The following CBFB variants were observed in gnomAD, a reference collection of about 807,000 sequenced individuals.
The protein encoded by CBFB is core-binding factor subunit beta, also known as CBF-beta.
In CBFB, 9 loss-of-function variants were observed where a neutral mutation model predicts 30.4. The ratio of observed to expected loss-of-function variants is 0.30; its 90% CI spans 0.18 to 0.52. CBFB has a LOEUF of 0.52. Ranked by LOEUF, CBFB falls within the 20% of genes least tolerant of loss-of-function variation. The probability of loss-of-function intolerance (pLI) is 0.97; values close to 1 mark genes in which losing one functional copy is unlikely to be tolerated. For missense variants in CBFB, 170 were observed against 244.0 expected, an observed-to-expected ratio of 0.70 and a Z score of 2.02; for synonymous variants, 94 against 84.0, an observed-to-expected ratio of 1.12 and a Z score of -0.65.
intron 4 of CBFB, among the ~76,000 whole-genome samples, chr16:67,069,470 A>G (rs1961157640): frequency 6.6e-6 from 1 of 152,212 alleles, no homozygotes; most frequent in Non-Finnish European, 1.5e-5. Flanking sequence ...AAGAAAAATT[A>G]ACAGTCTTGG....
At chr16:67,036,882 C>G (rs760557691) in intron 3 of CBFB, 127 bp downstream of exon 3, 256 of 648,392 alleles carry the variant, frequency 3.9e-4, no homozygotes, top group Non-Finnish European at 1.0e-4. Context: ...TGTTTTCATT[C>G]CATGTTATAA....
intron 5 of CBFB, among the ~76,000 whole-genome samples, chr16:67,096,744 G>A (rs1962055990): frequency 6.7e-6 from 1 of 150,042 alleles, no homozygotes; most frequent in South Asian, 2.1e-4. Flanking sequence ...GGAGGCCAGG[G>A]CGGGTGAATC....
At chr16:67,072,696 C>T (rs1390531652) in intron 4 of CBFB, among the ~76,000 whole-genome samples, 2 of 151,632 alleles carry the variant, frequency 1.3e-5, no homozygotes, top group Non-Finnish European at 2.9e-5. Context: ...CAACTCCTGA[C>T]CTCAGGTGAT....
At chr16:67,077,071 CTAG>C (rs1236520404) in intron 4 of CBFB, among the ~76,000 whole-genome samples, 4 of 152,056 alleles carry the variant, frequency 2.6e-5, no homozygotes, top group Non-Finnish European at 5.9e-5. Context: ...CTACTAGTTC[CTAG>C]TAGATTTCTA....
At chr16:67,030,757 G>C (rs1358621234) in intron 2 of CBFB, among the ~76,000 whole-genome samples, 1 of 152,028 alleles carries the variant, frequency 6.6e-6, no homozygotes, top group African/African-American at 2.4e-5. Context: ...CTGCCACCAC[G>C]CCCGGCTAAT....
At chr16:67,077,740 G>A (rs1250739402) in intron 4 of CBFB, among the ~76,000 whole-genome samples, 2 of 152,116 alleles carry the variant, frequency 1.3e-5, no homozygotes, top group East Asian at 3.8e-4. Context: ...AAGTGTTACC[G>A]AACTGTTAAA....
Position 67,099,536 on chromosome 16 carries a change from T to G in CBFB, c.*758T>G, listed in dbSNP as rs1962157697. ...CCCAGAGTACTGGGATTACAGGCTC[T>G]TTCTTTTTAAACATAAAAGTTTTAA... On this transcript the variant is annotated 3_prime_UTR_variant, in exon 6 of 6. Transcript: ENST00000412916. 9.9e-6 allele frequency: 2 copies of G among 201,520 alleles called. No homozygotes were observed. Among genetic ancestry groups the G allele is most frequent in the Non-Finnish European group, 2.0e-5 (2 of 97,836 alleles). 12.5% of individuals were successfully genotyped at this position (201,520 alleles called of 1,614,324 possible). A position where few individuals can be genotyped will look rare whatever the true frequency, so the allele number is the denominator to read the frequency against.
intron 3 of CBFB, among the ~76,000 whole-genome samples, chr16:67,052,978 G>A (rs1960599549): frequency 1.3e-5 from 2 of 148,914 alleles, no homozygotes; most frequent in African/African-American, 2.5e-5. Context: ...GCAGTGAGCC[G>A]TGTTCATACC....
intron 5 of CBFB, among the ~76,000 whole-genome samples, 172 bp from the exon 6 acceptor site, chr16:67,098,538 A>G (rs532105937): frequency 6.6e-6 from 1 of 152,214 alleles, no homozygotes; most frequent in East Asian, 1.9e-4. Context: ...TTAGTAAAAT[A>G]TGTCAGACAT....
intron 3 of CBFB, among the ~76,000 whole-genome samples, chr16:67,037,174 G>A (rs1966455123): frequency 6.6e-6 from 1 of 152,186 alleles, no homozygotes; most frequent in South Asian, 2.1e-4. Flanking sequence ...TGGGATTACA[G>A]GCGTGAGCCA....
chr16:67,089,388 C>T (rs1165460792), intron 5 of CBFB, among the ~76,000 whole-genome samples: 1 of 152,018 alleles, frequency 6.6e-6, no homozygotes, highest in Non-Finnish European at 1.5e-5. Flanking sequence ...ACCTGGGGGA[C>T]AAAATAAGCA....
rs529682307 is a variant in CBFB at position 67,066,308 on chromosome 16, G to T, written c.283-374G>T. On this transcript the variant is annotated intron_variant, in intron 3 of 5. Transcript: ENST00000412916. ...CACGCCTGTAATCCTAGCACTTTTG[G>T]AGGCAAAGGCTGGCAGATTGCCTGA... Among the ~76,000 whole-genome samples the T allele has an allele frequency of 4.0e-5, 6 of 151,122 alleles. No individual in the cohort carries two copies. The South Asian group carries it at 1.3e-3, about 32-fold the overall frequency.
chr16:67,058,882 G>T (rs2145741218), intron 3 of CBFB, among the ~76,000 whole-genome samples: 1 of 152,332 alleles, frequency 6.6e-6, no homozygotes, highest in African/African-American at 2.4e-5. Flanking sequence ...TTTTGATAGT[G>T]AAGTTTCAGC....
chr16:67,031,155 T>G (rs577172929), intron 2 of CBFB, among the ~76,000 whole-genome samples: 1 of 152,354 alleles, frequency 6.6e-6, no homozygotes, highest in South Asian at 2.1e-4. Flanking sequence ...ATTTTGATAT[T>G]TTAAGTGAAA....
chr16:67,035,684 A>G (rs576527641), intron 2 of CBFB, among the ~76,000 whole-genome samples: 1 of 152,160 alleles, frequency 6.6e-6, no homozygotes, highest in South Asian at 2.1e-4. Flanking sequence ...TGAGATGAAG[A>G]CTCTATGCAT....
At chr16:67,080,424 ATTG>A in intron 4 of CBFB, among the ~76,000 whole-genome samples, 1 of 152,160 alleles carries the variant, frequency 6.6e-6, no homozygotes, top group South Asian at 2.1e-4. Flanking sequence ...TGGTTGATTG[ATTG>A]TGGAGACAAT....
intron 5 of CBFB, among the ~76,000 whole-genome samples, chr16:67,084,461 T>C (rs1001129836): frequency 1.2e-4 from 19 of 152,178 alleles, no homozygotes; most frequent in African/African-American, 4.3e-4. Flanking sequence ...TATATACTTT[T>C]GGAATCTACA....
At chr16:67,067,212 TAA>T (rs773186476) in intron 4 of CBFB, among the ~76,000 whole-genome samples, 20 of 130,034 alleles carry the variant, frequency 1.5e-4, no homozygotes, top group Admixed American at 3.9e-4. Flanking sequence ...AAAAATTGTT[TAA>T]AAAAAAAAAA....
intron 3 of CBFB, among the ~76,000 whole-genome samples, chr16:67,055,714 C>A (rs376164056): frequency 6.6e-6 from 1 of 152,104 alleles, no homozygotes; most frequent in South Asian, 2.1e-4. Flanking sequence ...GTAAGATGAT[C>A]GGTAAATTAC....
Sources: gnomAD v4.1 joint callset for allele counts (sites outside exome capture counted in the v4.1 genomes callset) on GRCh38, gnomAD v4.1.1 for gene constraint, MANE v1.5 for transcripts, NCBI Gene and HGNC (gene_info 2026-07-23, HGNC 2026-07-21) for gene names.